The following MYO6 variants were observed in gnomAD, a reference collection of about 807,000 sequenced individuals.
MYO6 encodes the protein unconventional myosin-VI.
A neutral mutation model predicts 178.7 loss-of-function variants in MYO6; 74 were observed. That is an observed-to-expected ratio of 0.41 (90% confidence interval 0.34 to 0.50). MYO6 has a LOEUF of 0.50. Among genes scored for constraint, MYO6 ranks in the 20% least tolerant of loss-of-function variants. The pLI is 0.09. For missense variants in MYO6, 1,330 were observed against 1,547.4 expected, an observed-to-expected ratio of 0.86 and a Z score of 2.36; for synonymous variants, 477 against 504.6, an observed-to-expected ratio of 0.95 and a Z score of 0.73.
chr6:75,764,309 A>G (rs1259912059), intron 1 of MYO6, among the ~76,000 whole-genome samples: 2 of 152,172 alleles, frequency 1.3e-5, no homozygotes, highest in African/African-American at 4.8e-5. Flanking sequence ...CCTTCGCTCT[A>G]GCCCCGTTGG....
intron 8 of MYO6, 33 bp downstream of exon 8, chr6:75,840,715 TGG>T (rs1460004095): frequency 6.5e-7 from 1 of 1,527,054 alleles, no homozygotes; most frequent in Admixed American, 1.7e-5. Flanking sequence ...ATGATATTTT[TGG>T]GGAGTGTTTG....
Position 75,886,962 on chromosome 6 carries a change from A to G in MYO6, c.2626A>G (p.Ile876Val). The G allele has an allele frequency of 6.2e-7, 1 of 1,613,754 alleles. No individual in the cohort carries two copies. The highest frequency in any genetic ancestry group is 8.5e-7 in the Non-Finnish European group (1 of 1,179,816). ...GAATAAACAGATCAAGAATCTGGAA[A>G]TTTCTATTGATACTTTGATGGCCAA... is the stretch of plus-strand genomic sequence containing the variant. ...EMNKQIKNLE[I>V]SIDTLMAKIK... Residue 876 changes from isoleucine to valine, a missense_variant, in exon 25 of 35, where the codon ATT becomes GTT. Physicochemically the swap from Ile to Val is conservative, Grantham distance 29 (BLOSUM62 3). Around this residue, in one of 3 missense-constraint regions of MYO6, gnomAD observed 601 missense variants for 626.1 expected, o/e 0.96. Transcript: ENST00000369977.
intron 30 of MYO6, 61 bp from the exon 31 acceptor site, chr6:75,907,544 T>C (rs1780423717): frequency 1.5e-6 from 2 of 1,328,988 alleles, no homozygotes; most frequent in African/African-American, 1.4e-5. Flanking sequence ...TTCTTGCCTC[T>C]TTAGTCAATG....
chr6:75,884,670 G>C (rs1025166712), intron 23 of MYO6, among the ~76,000 whole-genome samples: 1 of 115,306 alleles, frequency 8.7e-6, no homozygotes, highest in Admixed American at 8.7e-5. Flanking sequence ...AGGATAATTT[G>C]GTAGGTAGGG....
intron 22 of MYO6, among the ~76,000 whole-genome samples, chr6:75,880,852 T>C (rs1346094959): frequency 4.6e-5 from 7 of 152,226 alleles, no homozygotes; most frequent in Non-Finnish European, 1.0e-4. Context: ...TTATGGAATT[T>C]TGTGGTATAT....
intron 1 of MYO6, among the ~76,000 whole-genome samples, chr6:75,774,911 A>T (rs966029196): frequency 3.3e-5 from 5 of 151,960 alleles, no homozygotes; most frequent in South Asian, 2.1e-4. Context: ...CTCCTGCCTC[A>T]GCCTCCCGAG....
At chr6:75,864,536 T>A (rs1057005568) in intron 16 of MYO6, among the ~76,000 whole-genome samples, 1 of 152,232 alleles carries the variant, frequency 6.6e-6, no homozygotes, top group Admixed American at 6.5e-5. Flanking sequence ...AATAGCTCGC[T>A]GGTCTTTGTT....
chr6:75,901,252 T>C (rs1043078897), intron 30 of MYO6, among the ~76,000 whole-genome samples: 2 of 152,082 alleles, frequency 1.3e-5, no homozygotes, highest in Admixed American at 1.3e-4. Context: ...TTAAAGTAGT[T>C]TTTTCCAATT....
chr6:75,831,397 C>G (rs1268021101), intron 5 of MYO6, among the ~76,000 whole-genome samples: 1 of 152,184 alleles, frequency 6.6e-6, no homozygotes, highest in Non-Finnish European at 1.5e-5. Context: ...CATAATTACT[C>G]TACCAGGGCA....
chr6:75,806,268 T>C (rs2150132826), intron 1 of MYO6, among the ~76,000 whole-genome samples: 1 of 152,072 alleles, frequency 6.6e-6, no homozygotes, highest in South Asian at 2.1e-4. Context: ...ATGCTTGTAG[T>C]TCCCAGCCAT....
At position 75,873,237 on chromosome 6, in the gene MYO6, A is replaced by G. The variant is rs1436084356; in HGVS notation, c.2014A>G (p.Asn672Asp). The G allele has an allele frequency of 7.4e-6, 12 of 1,613,948 alleles. No individual in the cohort carries two copies. The highest frequency in any genetic ancestry group is 1.0e-5 in the Non-Finnish European group (12 of 1,179,968). ...GASFIRCIKP[N>D]LKMTSHHFEG... ...AAGCTTTATTCGTTGCATCAAACCT[A>G]ACTTAAAGATGACAAGCCACCACTT... Residue 672 changes from asparagine to aspartate, a missense_variant, in exon 20 of 35, where the codon AAC (asparagine) becomes GAC (aspartate). Transcript: ENST00000369977.
At chr6:75,819,926 A>G (rs1462760392) in intron 2 of MYO6, among the ~76,000 whole-genome samples, 2 of 152,014 alleles carry the variant, frequency 1.3e-5, no homozygotes, top group East Asian at 1.9e-4. Flanking sequence ...GTGGTGGTAC[A>G]TGCCTGTTTT....
chr6:75,789,917 A>G (rs1768057094), intron 1 of MYO6, among the ~76,000 whole-genome samples: 1 of 152,190 alleles, frequency 6.6e-6, no homozygotes, highest in Non-Finnish European at 1.5e-5. Context: ...TTCATTGGTA[A>G]GCACTATTCT....
At chr6:75,866,072 A>AAGAG (rs1554212695) in intron 16 of MYO6, among the ~76,000 whole-genome samples, 1 of 152,026 alleles carries the variant, frequency 6.6e-6, no homozygotes, top group African/African-American at 2.4e-5. Context: ...TGACGTGATA[A>AAGAG]AGATAGATTT....
intron 1 of MYO6, among the ~76,000 whole-genome samples, chr6:75,789,178 T>A (rs1010439557): frequency 6.6e-6 from 1 of 152,214 alleles, no homozygotes; most frequent in East Asian, 1.9e-4. Context: ...CCAGGTTTCA[T>A]TGAATCTAAA....
At chr6:75,907,511 C>G in intron 30 of MYO6, 94 bp from the exon 31 acceptor site, 1 of 950,262 alleles carries the variant, frequency 1.1e-6, no homozygotes, top group South Asian at 1.4e-5. Flanking sequence ...TAGCTGTTTC[C>G]GGTTTTCAAA....
Position 75,780,647 on chromosome 6 carries a change from T to C in MYO6, c.-48+31224T>C, listed in dbSNP as rs556018126. 2.9e-4 allele frequency among the ~76,000 whole-genome samples: 44 copies of C among 152,266 alleles called. No homozygotes were observed. The Middle Eastern group carries it at 0.01, about 35-fold the overall frequency. The stretch of plus-strand genomic sequence containing the variant: ...CAGGTTTTAACTGAACATAGAGCTA[T>C]GTTTAGCCATTTGGGTTGAAGAGGG... On this transcript the variant is annotated intron_variant, in intron 1 of 34. Coordinates refer to ENST00000369977, the MANE Select transcript of MYO6 (RefSeq NM_004999.4).
rs767084275 is a variant in MYO6 at position 75,861,038 on chromosome 6, C to G, written c.1489C>G (p.Gln497Glu). ...RILKEEQELY[Q>E]KEGLGVNEVH... The stretch of plus-strand genomic sequence containing the variant: ...TCATTTTTAGGAACAAGAACTCTAT[C>G]AAAAAGAAGGTTTAGGTGTTAATGA... The change falls in exon 15 of 35, where the codon CAA (glutamine) becomes GAA (glutamate). Residue 497 changes from glutamine (Q) to glutamate (E), a missense_variant. Coordinates refer to ENST00000369977, the MANE Select transcript of MYO6 (RefSeq NM_004999.4). 3.1e-6 allele frequency: 5 copies of G among 1,605,226 alleles called. No individual in the cohort carries two copies. In the South Asian group the frequency reaches 5.5e-5, roughly 18 times the overall value.
At chr6:75,777,336 A>G (rs1766490137) in intron 1 of MYO6, among the ~76,000 whole-genome samples, 1 of 152,172 alleles carries the variant, frequency 6.6e-6, no homozygotes, top group South Asian at 2.1e-4. Flanking sequence ...ATTTACACAA[A>G]TGTGGCTGGC....
Sources: allele counts gnomAD v4.1 joint callset (sites outside exome capture counted in the v4.1 genomes callset), GRCh38; gene constraint gnomAD v4.1.1; regional missense constraint gnomAD v4.1.1; transcripts MANE v1.5; gene names NCBI Gene and HGNC (gene_info 2026-07-23, HGNC 2026-07-21).